Variants in JAKMIP2 observed in about 807,000 individuals in gnomAD.
JAKMIP2 encodes the protein janus kinase and microtubule-interacting protein 2.
A neutral mutation model predicts 115.0 loss-of-function variants in JAKMIP2; 25 were observed. The observed-to-expected ratio is 0.22, with a 90% CI of 0.16 to 0.30. The LOEUF is 0.30. JAKMIP2 is among the 10% of genes least tolerant of loss of function. The pLI, the probability that JAKMIP2 is intolerant of heterozygous loss-of-function variation, is 1.00. For synonymous variants in JAKMIP2, 334 were observed against 343.6 expected (o/e 0.97, Z 0.31); for missense variants, 642 against 957.6 (o/e 0.67, Z 4.35).
chr5:147,762,556 CTT>C (rs1421777921), intron 1 of JAKMIP2, among the ~76,000 whole-genome samples: 1 of 151,930 alleles, frequency 6.6e-6, no homozygotes, highest in Non-Finnish European at 1.5e-5. Context: ...CTCACATGGC[CTT>C]TTCTCTGTGG....
chr5:147,708,378 A>C (rs1310651050), intron 1 of JAKMIP2, among the ~76,000 whole-genome samples: 1 of 152,194 alleles, frequency 6.6e-6, no homozygotes, highest in Non-Finnish European at 1.5e-5. Context: ...GGAAGCTCTG[A>C]GATGAGGACT....
chr5:147,777,494 G>A (rs963197281), intron 1 of JAKMIP2, among the ~76,000 whole-genome samples: 1 of 152,050 alleles, frequency 6.6e-6, no homozygotes, highest in South Asian at 2.1e-4. Flanking sequence ...TATACAAAAA[G>A]ATCTAAAAGG....
chr5:147,760,183 G>A (rs2127044725), intron 1 of JAKMIP2, among the ~76,000 whole-genome samples: 1 of 152,186 alleles, frequency 6.6e-6, no homozygotes, highest in South Asian at 2.1e-4. Context: ...CGAAAGACTT[G>A]TAAACACATT....
At chr5:147,701,501 A>G (rs1752323860) in intron 1 of JAKMIP2, among the ~76,000 whole-genome samples, 1 of 152,192 alleles carries the variant, frequency 6.6e-6, no homozygotes, top group African/African-American at 2.4e-5. Flanking sequence ...TTGGGAGGTG[A>G]GTAGGTCACA....
chr5:147,706,298 G>A (rs1313821399), intron 1 of JAKMIP2, among the ~76,000 whole-genome samples: 1 of 152,094 alleles, frequency 6.6e-6, no homozygotes, highest in Non-Finnish European at 1.5e-5. Flanking sequence ...CCCCAAGACT[G>A]GAGAACCAGC....
intron 1 of JAKMIP2, among the ~76,000 whole-genome samples, chr5:147,743,467 C>T (rs1173099071): frequency 3.9e-5 from 6 of 152,122 alleles, no homozygotes; most frequent in Non-Finnish European, 8.8e-5. Flanking sequence ...AAACTTATAG[C>T]CCTGTTATTT....
chr5:147,773,174 A>G (rs952638722), intron 1 of JAKMIP2, among the ~76,000 whole-genome samples: 2 of 152,172 alleles, frequency 1.3e-5, no homozygotes, highest in African/African-American at 4.8e-5. Flanking sequence ...AGTCAGCATC[A>G]ACTCTGAAAA....
chr5:147,709,713 G>T (rs1243180111), intron 1 of JAKMIP2, among the ~76,000 whole-genome samples: 1 of 152,058 alleles, frequency 6.6e-6, no homozygotes, highest in African/African-American at 2.4e-5. Flanking sequence ...AGACAGGAGT[G>T]GTGGCATGCA....
At chr5:147,764,145 A>C (rs562705503) in intron 1 of JAKMIP2, among the ~76,000 whole-genome samples, 1 of 152,288 alleles carries the variant, frequency 6.6e-6, no homozygotes, top group East Asian at 1.9e-4. Context: ...GAGAATACAC[A>C]AAACACCTAG....
intron 3 of JAKMIP2, among the ~76,000 whole-genome samples, chr5:147,651,858 A>C (rs1428118158): frequency 6.6e-6 from 1 of 152,184 alleles, no homozygotes; most frequent in Non-Finnish European, 1.5e-5. Flanking sequence ...CTCCTTGTAG[A>C]AGACTTGAGA....
intron 1 of JAKMIP2, among the ~76,000 whole-genome samples, chr5:147,764,940 G>A (rs58312249): frequency 0.028 from 2,108 of 76,122 alleles, 107 homozygotes; most frequent in East Asian, 0.11. Context: ...GAGAGAGAGA[G>A]AGAGAGGGAG....
intron 2 of JAKMIP2, among the ~76,000 whole-genome samples, chr5:147,666,519 A>G (rs1759305392): frequency 6.6e-6 from 1 of 152,236 alleles, no homozygotes; most frequent in Non-Finnish European, 1.5e-5. Context: ...CAGGCTTTAC[A>G]CACATCAGTC....
intron 1 of JAKMIP2, among the ~76,000 whole-genome samples, chr5:147,721,723 G>C (rs760563095): frequency 6.6e-6 from 1 of 152,044 alleles, no homozygotes; most frequent in African/African-American, 2.4e-5. Context: ...CACGGTGCGC[G>C]CACCCACTGA....
chr5:147,742,155 A>ATATATATATATATATATATATATTTT lies in JAKMIP2; in HGVS notation c.-149+40300_-149+40301insAAAATATATATATATATATATATATA. ...TGTGGATCATTATATATATATATAT[A>ATATATATATATATATATATATATTTT]TTTTTTTTACTATTGTATTGTATCT... is the stretch of plus-strand genomic sequence containing the variant. On this transcript the variant is annotated intron_variant, in intron 1 of 21. Coordinates refer to ENST00000616793, the MANE Select transcript of JAKMIP2 (RefSeq NM_001270941.2). Among the ~76,000 whole-genome samples the ATATATATATATATATATATATATTTT allele has an allele frequency of 3.9e-4, 43 of 108,888 alleles. 1 individual carries two copies. In the South Asian group the frequency reaches 9.7e-3, roughly 25 times the overall value. The allele number at this position is 108,888 out of a possible 152,430, so 71.4% of individuals were successfully genotyped here. A position where few individuals can be genotyped will look rare whatever the true frequency, so the allele number is the denominator to read the frequency against.
intron 1 of JAKMIP2, among the ~76,000 whole-genome samples, chr5:147,725,442 G>A (rs1296915021): frequency 6.6e-6 from 1 of 151,980 alleles, no homozygotes; most frequent in Non-Finnish European, 1.5e-5. Context: ...CTCGTGCAAG[G>A]TCCAAGAACC....
Position 147,671,773 on chromosome 5 carries a change from G to A in JAKMIP2, c.34C>T (p.Pro12Ser), listed in dbSNP as rs139422532. The A allele has an allele frequency of 2.5e-6, 4 of 1,590,142 alleles. No individual in the cohort carries two copies. The East Asian group carries it at 9.3e-5, about 37-fold the overall frequency. The change falls in exon 2 of 22, where the codon CCC becomes TCC. Residue 12 changes from proline (P) to serine (S), a missense_variant. Around this residue, in one of 6 missense-constraint regions of JAKMIP2, gnomAD observed 439 missense variants for 570.9 expected, o/e 0.77. Coordinates refer to ENST00000616793, the MANE Select transcript of JAKMIP2 (RefSeq NM_001270941.2). ...TGAAGGGCAACAATGAGTGCCTCGG[G>A]CTTCTCGCCCTTATTTCGCCCTTTC... ...SKKGRNKGEK[P>S]EALIVALQAA...
intron 1 of JAKMIP2, among the ~76,000 whole-genome samples, chr5:147,721,391 G>C (rs4574530): frequency 0.3 from 46,187 of 152,138 alleles, 8,159 homozygotes; most frequent in East Asian, 0.54. Context: ...TTGGAGCTTC[G>C]AGGCTGCTTT....
At chr5:147,747,526 T>G (rs1237030406) in intron 1 of JAKMIP2, among the ~76,000 whole-genome samples, 1 of 152,110 alleles carries the variant, frequency 6.6e-6, no homozygotes, top group Non-Finnish European at 1.5e-5. Context: ...GGCCACTTGG[T>G]CTACCTCAGG....
At chr5:147,681,555 A>G (rs879547765) in intron 1 of JAKMIP2, among the ~76,000 whole-genome samples, 1 of 152,168 alleles carries the variant, frequency 6.6e-6, no homozygotes, top group Non-Finnish European at 1.5e-5. Context: ...TGATTCTTCA[A>G]TTTATTAACT....
Sources: allele counts gnomAD v4.1 joint callset (sites outside exome capture counted in the v4.1 genomes callset), GRCh38; gene constraint gnomAD v4.1.1; regional missense constraint gnomAD v4.1.1; transcripts MANE v1.5; gene names NCBI Gene and HGNC (gene_info 2026-07-23, HGNC 2026-07-21).